The following NFATC1 variants were observed in gnomAD, a reference collection of about 807,000 sequenced individuals.
The protein encoded by NFATC1 is nuclear factor of activated T cells 1.
NFATC1 carries 22 observed loss-of-function variants against 76.0 expected under a neutral mutation model. That is an observed-to-expected ratio of 0.29 (90% confidence interval 0.21 to 0.41). The LOEUF (loss-of-function observed/expected upper bound fraction) is 0.41. NFATC1 is among the 10% of genes least tolerant of loss of function. NFATC1 has a pLI of 1.00. For missense variants in NFATC1, 1,357 were observed against 1,337.7 expected (o/e 1.01, Z -0.23); for synonymous variants, 704 against 613.1 (o/e 1.15, Z -2.19).
At position 79,529,135 on chromosome 18, in the gene NFATC1, G is replaced by A. The variant is rs1443697876; in HGVS notation, c.*1558G>A. ...GAAACAACCTGAAGGCCATCCCGTC[G>A]GTCTGCACGTAACCGTGAAGACGTG... On this transcript the variant is annotated 3_prime_UTR_variant, in exon 10 of 10. Transcript: ENST00000427363. 2 of 152,238 alleles carry A rather than the reference G, an allele frequency of 1.3e-5. No homozygotes were observed. The highest frequency in any genetic ancestry group is 4.8e-5 in the African/African-American group (2 of 41,458). 9.4% of individuals were successfully genotyped at this position (152,238 alleles called of 1,614,324 possible). A position where few individuals can be genotyped will look rare whatever the true frequency, so the allele number is the denominator to read the frequency against.
intron 3 of NFATC1, among the ~76,000 whole-genome samples, chr18:79,445,307 C>T (rs1369027080): frequency 1.3e-5 from 2 of 152,204 alleles, no homozygotes; most frequent in Admixed American, 6.5e-5. Context: ...CAGTGGCTGC[C>T]GTATCATCCT....
At chr18:79,492,808 A>C (rs931200880) in intron 9 of NFATC1, among the ~76,000 whole-genome samples, 8 of 142,286 alleles carry the variant, frequency 5.6e-5, no homozygotes, top group Non-Finnish European at 1.2e-4. Flanking sequence ...TGGGAGATGG[A>C]GGTTGCAGTG....
chr18:79,486,216 T>C, intron 8 of NFATC1, 32 bp from the exon 9 acceptor site: 1 of 1,579,138 alleles, frequency 6.3e-7, no homozygotes, highest in Middle Eastern at 1.7e-4. Flanking sequence ...TCGCAACTTG[T>C]GTTTATTTAA....
intron 1 of NFATC1, among the ~76,000 whole-genome samples, chr18:79,401,361 A>G (rs1219610679): frequency 6.6e-6 from 1 of 152,108 alleles, no homozygotes; most frequent in African/African-American, 2.4e-5. Flanking sequence ...TCTCTTTTAA[A>G]AACTCCAACG....
At chr18:79,426,043 C>G (rs945462260) in intron 2 of NFATC1, among the ~76,000 whole-genome samples, 1 of 151,846 alleles carries the variant, frequency 6.6e-6, no homozygotes, top group Non-Finnish European at 1.5e-5. Context: ...GAGACCCCAT[C>G]TCTACACAAA....
At chr18:79,424,601 G>A (rs1049895560) in intron 2 of NFATC1, among the ~76,000 whole-genome samples, 2 of 143,814 alleles carry the variant, frequency 1.4e-5, no homozygotes, top group African/African-American at 5.2e-5. Flanking sequence ...GTCTCTCTCT[G>A]TCTCTCCGTC....
intron 1 of NFATC1, chr18:79,400,164 G>A: frequency 1.8e-6 from 2 of 1,090,640 alleles, no homozygotes; most frequent in Non-Finnish European, 2.2e-6. Context: ...GGGGACACGA[G>A]TTTATTTAAA....
intron 2 of NFATC1, among the ~76,000 whole-genome samples, chr18:79,423,376 C>T (rs1050394011): frequency 3.3e-5 from 5 of 152,242 alleles, no homozygotes; most frequent in Non-Finnish European, 7.3e-5. Flanking sequence ...TGTCTGGGGA[C>T]GGAGGCTGCC....
rs541069439 is a variant in NFATC1, at chr18:79,486,662, C to A, written c.2507C>A (p.Pro836His). The change falls in exon 9 of 10, where the codon CCT becomes CAT. Residue 836 changes from proline to histidine, a missense_variant. Coordinates refer to ENST00000427363, the MANE Select transcript of NFATC1 (RefSeq NM_001278669.2). ...GCGCCTCCAAGCAGTAGCTGCCCCC[C>A]TGGTCTCGAACACTCGCTCTGCCCC... is the stretch of plus-strand genomic sequence containing the variant. ...VSAPPSSSCP[P>H]GLEHSLCPSS... 6.2e-7 allele frequency: 1 copy of A among 1,604,122 alleles called. No homozygotes were observed. Among genetic ancestry groups the A allele is most frequent in the South Asian group, 1.1e-5 (1 of 90,690 alleles).
At chr18:79,495,090 C>T (rs1169280086) in intron 9 of NFATC1, among the ~76,000 whole-genome samples, 1 of 152,258 alleles carries the variant, frequency 6.6e-6, no homozygotes, top group Non-Finnish European at 1.5e-5. Flanking sequence ...AAGGATGGCA[C>T]TGAGACGGGT....
In NFATC1 at chr18:79,396,182, T is replaced by G; in HGVS notation, c.-43T>G. The G allele has an allele frequency of 2.1e-6, 3 of 1,424,920 alleles. No individual in the cohort carries two copies. Among genetic ancestry groups the G allele is most frequent in the Non-Finnish European group, 2.8e-6 (3 of 1,076,320 alleles). 88.3% of individuals were successfully genotyped at this position (1,424,920 alleles called of 1,614,324 possible). A position where few individuals can be genotyped will look rare whatever the true frequency, so the allele number is the denominator to read the frequency against. The stretch of plus-strand genomic sequence containing the variant: ...GGCAGCGCGGGGCGGCCGCTTCTCC[T>G]GTGCCTCCGCCCGCCGCTCCACTCC... On this transcript the variant is annotated 5_prime_UTR_variant, in exon 1 of 10. Transcript: ENST00000427363.
chr18:79,426,524 A>G (rs1600677086), intron 2 of NFATC1, among the ~76,000 whole-genome samples: 1 of 152,198 alleles, frequency 6.6e-6, no homozygotes, highest in East Asian at 1.9e-4. Context: ...AGGGCCTGGC[A>G]GGTGTTTCCA....
intron 8 of NFATC1, chr18:79,469,336 C>T (rs910810024): frequency 1.0e-6 from 1 of 985,492 alleles, no homozygotes; most frequent in Non-Finnish European, 1.2e-6. Context: ...GCGGCAGTCC[C>T]CACCGTGGGT....
intron 8 of NFATC1, among the ~76,000 whole-genome samples, chr18:79,477,595 C>G (rs1474589546): frequency 1.3e-5 from 2 of 149,268 alleles, no homozygotes; most frequent in East Asian, 3.9e-4. Flanking sequence ...GGGGCACTGT[C>G]TCAGTCTTCG....
At position 79,522,327 on chromosome 18, in the gene NFATC1, G is replaced by A. The variant is rs1372532430; in HGVS notation, c.2783-5201G>A. Among the ~76,000 whole-genome samples the A allele has an allele frequency of 4.2e-5, 5 of 118,516 alleles. No individual in the cohort carries two copies. The Admixed American group carries it at 4.8e-4, about 11-fold the overall frequency. The allele number at this position is 118,516 out of a possible 152,430, so 77.8% of individuals were successfully genotyped here. ...GGGGCTGGCGCCTGCTGATGTGTGT[G>A]TTTTGTGTGTGGTGGGGGGTGTCCA... On this transcript the variant is annotated intron_variant, in intron 9 of 9. Coordinates refer to ENST00000427363, the MANE Select transcript of NFATC1 (RefSeq NM_001278669.2).
intron 8 of NFATC1, among the ~76,000 whole-genome samples, chr18:79,481,139 C>G (rs1344419586): frequency 6.6e-6 from 1 of 152,244 alleles, no homozygotes; most frequent in Admixed American, 6.5e-5. Context: ...TGGCCAAGCC[C>G]TGCCTCTGGG....
At chr18:79,494,886 C>T in intron 9 of NFATC1, among the ~76,000 whole-genome samples, 1 of 143,680 alleles carries the variant, frequency 7.0e-6, no homozygotes, top group Non-Finnish European at 1.5e-5. Context: ...GGCACACGCC[C>T]CCCATGAACC....
Position 79,486,876 on chromosome 18 carries a change from C to T in NFATC1, c.2721C>T (p.Ala907=), listed in dbSNP as rs766336119. The part of the protein sequence containing the change: ...EVHEDGSPNL[A]PIPVTVKREP... ...ATGAGGACGGTAGTCCTAATTTGGC[C>T]CCTATTCCTGTAACGGTCAAGCGAG... is the stretch of plus-strand genomic sequence containing the variant. The change falls in exon 9 of 10, where the codon GCC becomes GCT. Residue 907 remains alanine, a synonymous_variant. Coordinates refer to ENST00000427363, the MANE Select transcript of NFATC1 (RefSeq NM_001278669.2). 6.2e-6 allele frequency: 10 copies of T among 1,611,300 alleles called. No homozygotes were observed. The highest frequency in any genetic ancestry group is 5.0e-5 in the Admixed American group (3 of 59,840).
chr18:79,520,549 TCCA>T (rs2090498299), intron 9 of NFATC1, among the ~76,000 whole-genome samples: 1 of 134,044 alleles, frequency 7.5e-6, no homozygotes, highest in Admixed American at 7.4e-5. Context: ...GGAGGGTGCA[TCCA>T]CCACTAATGT....
Sources: allele counts gnomAD v4.1 joint callset (sites outside exome capture counted in the v4.1 genomes callset), GRCh38; gene constraint gnomAD v4.1.1; transcripts MANE v1.5; gene names NCBI Gene and HGNC (gene_info 2026-07-23, HGNC 2026-07-21).